The following MEF2B variants were observed in gnomAD, a reference collection of about 807,000 sequenced individuals.
MEF2B encodes the protein myocyte enhancer factor 2B.
Under a neutral mutation model 32.2 loss-of-function variants are expected in MEF2B, and 15 were observed. That is an observed-to-expected ratio of 0.47 (90% CI 0.31 to 0.72). The LOEUF is 0.72. Ranked by LOEUF, MEF2B falls within the 30% of genes least tolerant of loss-of-function variation. The pLI, the probability that MEF2B is intolerant of heterozygous loss-of-function variation, is 0.05. For synonymous variants in MEF2B, 205 were observed against 225.6 expected (o/e 0.91, Z 0.82); for missense variants, 441 against 511.5 (o/e 0.86, Z 1.33).
chr19:19,159,467 G>T (rs893183315), intron 1 of MEF2B, among the ~76,000 whole-genome samples: 2 of 151,986 alleles, frequency 1.3e-5, no homozygotes, highest in African/African-American at 4.8e-5. Context: ...GTGGGGAGCA[G>T]TGTCTGTTCA....
Position 19,146,264 on chromosome 19 carries a change from G to A in MEF2B, c.881+9C>T. On this transcript the variant is annotated intron_variant, in intron 8 of 8. Transcript: ENST00000424583. ...GGACTGGGACTTGCCGTCGTCTCAG[G>A]GCACTTACCTGGGCTGGGAGGACAC... is the stretch of plus-strand genomic sequence containing the variant. 7 of 1,291,194 alleles carry A rather than the reference G, an allele frequency of 5.4e-6. No individual in the cohort carries two copies. The South Asian group carries it at 9.6e-5, about 18-fold the overall frequency. 80.0% of individuals were successfully genotyped at this position (1,291,194 alleles called of 1,614,324 possible). A position where few individuals can be genotyped will look rare whatever the true frequency, so the allele number is the denominator to read the frequency against.
intron 1 of MEF2B, among the ~76,000 whole-genome samples, chr19:19,162,709 T>C (rs959779822): frequency 1.3e-5 from 2 of 152,072 alleles, no homozygotes; most frequent in Non-Finnish European, 2.9e-5. Context: ...GAGTCCACGG[T>C]GAGTGGGACC....
intron 1 of MEF2B, among the ~76,000 whole-genome samples, chr19:19,166,580 A>AC (rs113540011): frequency 0.54 from 73,360 of 135,654 alleles, 19,912 homozygotes; most frequent in East Asian, 0.63. Flanking sequence ...ACATAGGGAG[A>AC]CCCCCCCATC....
chr19:19,167,979 T>C (rs1403567849), intron 1 of MEF2B, among the ~76,000 whole-genome samples: 1 of 152,186 alleles, frequency 6.6e-6, no homozygotes, highest in African/African-American at 2.4e-5. Flanking sequence ...ATCCTAACTG[T>C]CCTGAAATTC....
intron 1 of MEF2B, among the ~76,000 whole-genome samples, chr19:19,151,991 A>C (rs1433659100): frequency 2.6e-5 from 3 of 114,694 alleles, no homozygotes; most frequent in East Asian, 2.5e-4. Flanking sequence ...ACGAGTTTTC[A>C]CTCTTGTTGC....
intron 1 of MEF2B, among the ~76,000 whole-genome samples, chr19:19,168,864 C>A (rs1309373396): frequency 2.0e-5 from 3 of 150,958 alleles, no homozygotes; most frequent in African/African-American, 4.9e-5. Context: ...GCCTGGCAAA[C>A]ATGGTGAAAC....
chr19:19,145,655 C>T lies in MEF2B; in HGVS notation c.*142G>A, dbSNP rs1276829848. ...GGAGCCCCCCAGGGTGGATTGAGTC[C>T]AGCCGCCCACCTCCAAGCCCCCACC... On this transcript the variant is annotated 3_prime_UTR_variant, in exon 9 of 9. Transcript: ENST00000424583. The surrounding 1 kb of genome is among the most constrained non-coding windows in gnomAD (Gnocchi z 4.6). The T allele has an allele frequency of 2.0e-6, 3 of 1,526,996 alleles. No individual in the cohort carries two copies. Among genetic ancestry groups the T allele is most frequent in the Non-Finnish European group, 2.6e-6 (3 of 1,135,204 alleles). The allele number at this position is 1,526,996 out of a possible 1,614,324, so 94.6% of individuals were successfully genotyped here.
At chr19:19,151,429 G>A (rs1275310162) in intron 1 of MEF2B, among the ~76,000 whole-genome samples, 2 of 151,994 alleles carry the variant, frequency 1.3e-5, no homozygotes, top group East Asian at 1.9e-4. Context: ...CCCTGGTAGG[G>A]GTCCCAGAAG....
At chr19:19,165,531 AG>A in intron 1 of MEF2B, among the ~76,000 whole-genome samples, 1 of 152,260 alleles carries the variant, frequency 6.6e-6, no homozygotes, top group South Asian at 2.1e-4. Context: ...GGTGGCTTCC[AG>A]GAGCAGGCAA....
chr19:19,154,470 T>C (rs2060107057), intron 1 of MEF2B, among the ~76,000 whole-genome samples: 1 of 150,816 alleles, frequency 6.6e-6, no homozygotes, highest in Non-Finnish European at 1.5e-5. Context: ...CCTTTTATTT[T>C]ATTTTTTGAG....
At position 19,145,947 on chromosome 19, in the gene MEF2B, C is replaced by T; in HGVS notation, c.957G>A (p.Lys319=). Residue 319 remains lysine, a synonymous_variant, in exon 9 of 9, where the codon AAG becomes AAA. Coordinates refer to ENST00000424583, the MANE Select transcript of MEF2B (RefSeq NM_001145785.2). This position sits in a 1 kb window ranked among gnomAD's most constrained non-coding sequence, Gnocchi z 4.6. ...ASPPTPPVSI[K]SERLSPAPGG... is the part of the protein sequence containing the mutation. ...CGGGGGCCGGAGAGAGGCGCTCAGA[C>T]TTGATGCTGACTGGGGGGGTCGGCG... is the stretch of plus-strand genomic sequence containing the variant. 3 of 1,446,338 alleles carry T rather than the reference C, an allele frequency of 2.1e-6. No homozygotes were observed. The highest frequency in any genetic ancestry group is 2.7e-6 in the Non-Finnish European group (3 of 1,101,348). The allele number at this position is 1,446,338 out of a possible 1,614,324, so 89.6% of individuals were successfully genotyped here. A position where few individuals can be genotyped will look rare whatever the true frequency, so the allele number is the denominator to read the frequency against.
intron 1 of MEF2B, among the ~76,000 whole-genome samples, chr19:19,152,108 C>A (rs2146361677): frequency 6.6e-6 from 1 of 151,806 alleles, no homozygotes; most frequent in South Asian, 2.1e-4. Flanking sequence ...TTACAGGTGC[C>A]CTCCACTATG....
At chr19:19,168,344 G>A (rs34719098) in intron 1 of MEF2B, among the ~76,000 whole-genome samples, 23,173 of 141,250 alleles carry the variant, frequency 0.16, 2,019 homozygotes, top group East Asian at 0.38. Flanking sequence ...CACGATCTTC[G>A]CTCACCACAA....
At chr19:19,166,050 A>G (rs1303251033) in intron 1 of MEF2B, among the ~76,000 whole-genome samples, 1 of 151,920 alleles carries the variant, frequency 6.6e-6, no homozygotes, top group Non-Finnish European at 1.5e-5. Context: ...TACATATAAG[A>G]CCTGCCTGAC....
At chr19:19,150,182 GGGAA>G (rs762140000) in intron 2 of MEF2B, among the ~76,000 whole-genome samples, 5,588 of 110,060 alleles carry the variant, frequency 0.051, 212 homozygotes, top group Non-Finnish European at 0.077. Context: ...GAGGGAGGGA[GGGAA>G]GGAAGGAAGG....
intron 1 of MEF2B, among the ~76,000 whole-genome samples, chr19:19,160,972 G>A (rs1378320447): frequency 6.6e-6 from 1 of 152,084 alleles, no homozygotes; most frequent in African/African-American, 2.4e-5. Flanking sequence ...AGTTCACAGC[G>A]GTCCCTGGAG....
intron 1 of MEF2B, among the ~76,000 whole-genome samples, chr19:19,167,071 C>T (rs913607960): frequency 6.6e-6 from 1 of 151,616 alleles, no homozygotes; most frequent in Non-Finnish European, 1.5e-5. Flanking sequence ...TGGTCACAGG[C>T]TGGCCACAGT....
intron 3 of MEF2B, among the ~76,000 whole-genome samples, chr19:19,148,333 CGTATGCCT>C (rs1176050979): frequency 6.6e-6 from 1 of 152,124 alleles, no homozygotes; most frequent in Non-Finnish European, 1.5e-5. Context: ...GGCATGGTGG[CGTATGCCT>C]GTGGTCAGAG....
chr19:19,167,445 C>T (rs1329072977), intron 1 of MEF2B, among the ~76,000 whole-genome samples: 1 of 151,828 alleles, frequency 6.6e-6, no homozygotes, highest in Non-Finnish European at 1.5e-5. Flanking sequence ...TCACTTGAGC[C>T]CAGGAGGCAG....
Sources: gnomAD v4.1 joint callset for allele counts (sites outside exome capture counted in the v4.1 genomes callset) on GRCh38, gnomAD v4.1.1 for gene constraint, Gnocchi (gnomAD v3.1) non-coding constraint, MANE v1.5 for transcripts, NCBI Gene and HGNC (gene_info 2026-07-23, HGNC 2026-07-21) for gene names.